SLC25A12: variants seen among roughly 807,000 people sequenced by gnomAD.
SLC25A12 encodes electrogenic aspartate/glutamate antiporter SLC25A12, mitochondrial.
Under a neutral mutation model 83.3 loss-of-function variants are expected in SLC25A12, and 32 were observed. The ratio of observed to expected loss-of-function variants is 0.38; its 90% CI spans 0.29 to 0.52. The LOEUF is 0.52. SLC25A12 is among the 20% of genes least tolerant of loss of function. The pLI, the probability that SLC25A12 is intolerant of heterozygous loss-of-function variation, is 0.84. For missense variants in SLC25A12, 611 were observed against 835.6 expected (o/e 0.73, Z 3.31); for synonymous variants, 267 against 291.1 (o/e 0.92, Z 0.84).
chr2:171,815,109 C>T lies in SLC25A12; in HGVS notation c.1012+12G>A. On this transcript the variant is annotated intron_variant, in intron 10 of 17. Coordinates refer to ENST00000422440, the MANE Select transcript of SLC25A12 (RefSeq NM_003705.5). Reference sequence around the variant, plus strand: ...ACACAAGCCTCAAACAGCACACAGACATGTCACTCACCTCCAGCAACTGAG... The same window carrying T: ...ACACAAGCCTCAAACAGCACACAGATATGTCACTCACCTCCAGCAACTGAG... The T allele has an allele frequency of 6.2e-7, 1 of 1,608,336 alleles. No homozygotes were observed. The highest frequency in any genetic ancestry group is 2.2e-5 in the East Asian group (1 of 44,854).
intron 4 of SLC25A12, among the ~76,000 whole-genome samples, chr2:171,850,506 C>A (rs903208748): frequency 1.3e-5 from 2 of 151,910 alleles, no homozygotes; most frequent in Admixed American, 6.6e-5. Context: ...CCACCATGCC[C>A]GGCTAATTTG....
At chr2:171,830,510 T>G (rs1684409189) in intron 8 of SLC25A12, among the ~76,000 whole-genome samples, 1 of 152,098 alleles carries the variant, frequency 6.6e-6, no homozygotes, top group African/African-American at 2.4e-5. Flanking sequence ...GTTTACAGGT[T>G]GCTTTATATT....
At chr2:171,851,029 G>A (rs780522036) in intron 4 of SLC25A12, among the ~76,000 whole-genome samples, 1 of 152,234 alleles carries the variant, frequency 6.6e-6, no homozygotes, top group Non-Finnish European at 1.5e-5. Flanking sequence ...TTCAGTCAGA[G>A]GGTGAGGATG....
chr2:171,872,500 C>T (rs1053748039), intron 2 of SLC25A12, among the ~76,000 whole-genome samples: 2 of 151,956 alleles, frequency 1.3e-5, no homozygotes, highest in African/African-American at 2.4e-5. Context: ...ACCGCTGCAA[C>T]TGGAAAGAAG....
chr2:171,853,555 C>G (rs1264749496), intron 4 of SLC25A12, among the ~76,000 whole-genome samples: 2 of 152,108 alleles, frequency 1.3e-5, no homozygotes, highest in Non-Finnish European at 2.9e-5. Flanking sequence ...GTGACAGGTG[C>G]CTGTAATCCC....
At chr2:171,809,449 T>C (rs1683906019) in intron 13 of SLC25A12, 157 bp downstream of exon 13, 3 of 705,122 alleles carry the variant, frequency 4.3e-6, no homozygotes, top group South Asian at 3.3e-5. Flanking sequence ...CGTTAGCTTT[T>C]ACAATAAAAT....
chr2:171,848,594 G>A (rs1462888104), intron 4 of SLC25A12, among the ~76,000 whole-genome samples: 1 of 152,090 alleles, frequency 6.6e-6, no homozygotes, highest in African/African-American at 2.4e-5. Flanking sequence ...GGAGGAAAGA[G>A]GAGGAACAAC....
chr2:171,821,580 C>T (rs1684194366), intron 9 of SLC25A12, among the ~76,000 whole-genome samples: 3 of 152,168 alleles, frequency 2.0e-5, no homozygotes, highest in Admixed American at 2.0e-4. Flanking sequence ...TTTTCTTGTA[C>T]TAATGATATT....
At chr2:171,881,901 A>G (rs1302787705) in intron 2 of SLC25A12, among the ~76,000 whole-genome samples, 3 of 152,226 alleles carry the variant, frequency 2.0e-5, no homozygotes, top group Admixed American at 2.0e-4. Flanking sequence ...AAAAGACTAG[A>G]AAGAAGACTG....
intron 2 of SLC25A12, among the ~76,000 whole-genome samples, chr2:171,889,581 C>A (rs1343011771): frequency 6.6e-6 from 1 of 152,216 alleles, no homozygotes; most frequent in African/African-American, 2.4e-5. Context: ...TGGCTCCCTA[C>A]TGTTTCAAAT....
intron 3 of SLC25A12, among the ~76,000 whole-genome samples, chr2:171,864,639 G>A (rs771100283): frequency 1.2e-4 from 19 of 152,064 alleles, no homozygotes; most frequent in African/African-American, 2.2e-4. Context: ...GTTTCATGCC[G>A]TTCCTGTTCC....
chr2:171,844,625 T>C, intron 4 of SLC25A12, 117 bp from the exon 5 acceptor site: 1 of 718,532 alleles, frequency 1.4e-6, no homozygotes, highest in Non-Finnish European at 2.3e-6. Context: ...CATCTGCTTC[T>C]ATTAAAATAA....
intron 2 of SLC25A12, among the ~76,000 whole-genome samples, chr2:171,879,963 G>A (rs955597718): frequency 2.6e-5 from 4 of 152,118 alleles, no homozygotes; most frequent in Non-Finnish European, 5.9e-5. Context: ...AGAGAACTTC[G>A]ACACTCAAAA....
At chr2:171,846,570 G>C (rs1207174625) in intron 4 of SLC25A12, among the ~76,000 whole-genome samples, 1 of 152,130 alleles carries the variant, frequency 6.6e-6, no homozygotes, top group Non-Finnish European at 1.5e-5. Flanking sequence ...CACTTTGGGA[G>C]GCCAAGGCAG....
At chr2:171,873,455 T>A (rs1271394411) in intron 2 of SLC25A12, among the ~76,000 whole-genome samples, 4 of 151,810 alleles carry the variant, frequency 2.6e-5, no homozygotes, top group Non-Finnish European at 5.9e-5. Context: ...CTCAAAAAAA[T>A]AAATAAATAA....
At chr2:171,814,562 G>A (rs1165887052) in intron 10 of SLC25A12, among the ~76,000 whole-genome samples, 4 of 151,680 alleles carry the variant, frequency 2.6e-5, no homozygotes, top group African/African-American at 4.8e-5. Flanking sequence ...CACGTGTCAC[G>A]GGCGTTTGTT....
chr2:171,810,149 C>T, intron 12 of SLC25A12, 75 bp downstream of exon 12: 2 of 1,316,888 alleles, frequency 1.5e-6, no homozygotes, highest in Non-Finnish European at 2.2e-6. Flanking sequence ...GCTACCACGC[C>T]TAGCCTTGAT....
intron 2 of SLC25A12, among the ~76,000 whole-genome samples, chr2:171,876,552 G>GGGGA (rs1685578852): frequency 2.2e-5 from 3 of 138,172 alleles, no homozygotes; most frequent in Admixed American, 7.1e-5. Flanking sequence ...TTGGGGGGGG[G>GGGGA]GGGACTCAAG....
At chr2:171,857,326 A>G (rs1208241496) in intron 3 of SLC25A12, among the ~76,000 whole-genome samples, 1 of 152,134 alleles carries the variant, frequency 6.6e-6, no homozygotes, top group East Asian at 1.9e-4. Flanking sequence ...AGCCATGATC[A>G]TGCTACCGCA....
Sources: allele counts gnomAD v4.1 joint callset (sites outside exome capture counted in the v4.1 genomes callset), GRCh38; gene constraint gnomAD v4.1.1; transcripts MANE v1.5; gene names NCBI Gene and HGNC (gene_info 2026-07-23, HGNC 2026-07-21).